Variants in MEGF10 observed in about 807,000 individuals in gnomAD.
The protein encoded by MEGF10 is multiple EGF like domains 10.
MEGF10 carries 86 observed loss-of-function variants against 147.5 expected under a neutral mutation model. The ratio of observed to expected loss-of-function variants is 0.58; its 90% CI spans 0.49 to 0.70. The LOEUF (loss-of-function observed/expected upper bound fraction) is 0.70. Ranked by LOEUF, MEGF10 falls within the 30% of genes least tolerant of loss-of-function variation. MEGF10 has a pLI of 0.00. For missense variants in MEGF10, 1,329 were observed against 1,487.3 expected, an observed-to-expected ratio of 0.89 and a Z score of 1.75; for synonymous variants, 478 against 525.5, an observed-to-expected ratio of 0.91 and a Z score of 1.24.
chr5:127,414,114 A>T (rs1378434814), intron 9 of MEGF10, among the ~76,000 whole-genome samples: 4 of 152,158 alleles, frequency 2.6e-5, no homozygotes, highest in African/African-American at 7.2e-5. Context: ...TAAACTTAAA[A>T]ATTTCCCGTT....
At position 127,348,888 on chromosome 5, in the gene MEGF10, T is replaced by A. The variant is rs116780270; in HGVS notation, c.319+8258T>A. On this transcript the variant is annotated intron_variant, in intron 4 of 24. Transcript: ENST00000503335. ...CATATACTTAAATAATTTTTGTAAA[T>A]CTAATAAGCCCAACTTACAAATAAG... Among the ~76,000 whole-genome samples, 974 of 152,252 alleles carry A rather than the reference T, an allele frequency of 6.4e-3. 12 individuals carry two copies. Among genetic ancestry groups the A allele is most frequent in the African/African-American group, 0.023 (937 of 41,562 alleles).
rs565186999 is a variant in MEGF10 at position 127,346,313 on chromosome 5, T to C, written c.319+5683T>C. Among the ~76,000 whole-genome samples, 73 of 152,310 alleles carry C rather than the reference T, an allele frequency of 4.8e-4. 1 individual carries two copies. The highest frequency in any genetic ancestry group is 1.7e-3 in the African/African-American group (69 of 41,586). On this transcript the variant is annotated intron_variant, in intron 4 of 24. Transcript: ENST00000503335. ...TTTCCATAGTGGTTGTACTAGTTTATGTTCCCACCAACAGTGTAGAAGTGT... is the reference window on the plus strand; with the variant it reads ...TTTCCATAGTGGTTGTACTAGTTTACGTTCCCACCAACAGTGTAGAAGTGT...
the MEGF10 span, among the ~76,000 whole-genome samples, chr5:127,249,975 A>G: frequency 1.3e-5 from 2 of 152,122 alleles, no homozygotes; most frequent in Non-Finnish European, 2.9e-5. Context: ...CTGTGATAAC[A>G]GCGTTGATTC....
At chr5:127,272,467 T>G in the MEGF10 span, among the ~76,000 whole-genome samples, 1 of 152,200 alleles carries the variant, frequency 6.6e-6, no homozygotes, top group African/African-American at 2.4e-5. Flanking sequence ...CTGTGAAGAA[T>G]GTCAATGGTA....
intron 22 of MEGF10, among the ~76,000 whole-genome samples, chr5:127,450,785 G>T (rs1279570915): frequency 6.6e-6 from 1 of 152,044 alleles, no homozygotes. Context: ...TTGAGACAGA[G>T]TCTCGCTCTG....
the MEGF10 span, among the ~76,000 whole-genome samples, chr5:127,275,989 T>C: frequency 1.3e-5 from 2 of 152,182 alleles, no homozygotes; most frequent in African/African-American, 4.8e-5. Flanking sequence ...AACTGATGGG[T>C]CAGCCAGCCC....
chr5:127,426,397 C>T (rs1215101943), intron 13 of MEGF10, among the ~76,000 whole-genome samples: 2 of 152,096 alleles, frequency 1.3e-5, no homozygotes, highest in East Asian at 3.9e-4. Flanking sequence ...AAAAAAGTAC[C>T]ATTTTATTGT....
chr5:127,381,510 T>C (rs1196197581), intron 5 of MEGF10, among the ~76,000 whole-genome samples: 1 of 152,250 alleles, frequency 6.6e-6, no homozygotes, highest in African/African-American at 2.4e-5. Context: ...GATGGTGCTG[T>C]AGACCTGCTT....
chr5:127,349,743 G>A (rs1238279468), intron 4 of MEGF10, among the ~76,000 whole-genome samples: 1 of 151,346 alleles, frequency 6.6e-6, no homozygotes, highest in Non-Finnish European at 1.5e-5. Context: ...AAATATCAGA[G>A]AACATGGTCC....
intron 1 of MEGF10, among the ~76,000 whole-genome samples, chr5:127,294,610 C>G (rs531657350): frequency 1.7e-3 from 255 of 152,018 alleles, no homozygotes; most frequent in African/African-American, 5.9e-3. Flanking sequence ...ACCAGCCTGG[C>G]CAAAATGGCG....
intron 1 of MEGF10, among the ~76,000 whole-genome samples, chr5:127,294,075 C>T (rs1355615007): frequency 6.6e-6 from 1 of 152,190 alleles, no homozygotes; most frequent in Non-Finnish European, 1.5e-5. Flanking sequence ...GACCCTCTTT[C>T]CTGTCTAACC....
the MEGF10 span, among the ~76,000 whole-genome samples, chr5:127,254,218 T>C: frequency 1.3e-5 from 2 of 152,160 alleles, no homozygotes; most frequent in Admixed American, 6.6e-5. Context: ...TTAGTTTTCT[T>C]AACCACTCCT....
At chr5:127,312,746 T>C (rs1302018327) in intron 1 of MEGF10, among the ~76,000 whole-genome samples, 2 of 152,210 alleles carry the variant, frequency 1.3e-5, no homozygotes, top group African/African-American at 4.8e-5. Context: ...GTTTTAGCTT[T>C]TGTGTGCTTT....
At chr5:127,235,051 G>T in the MEGF10 span, among the ~76,000 whole-genome samples, 2 of 152,010 alleles carry the variant, frequency 1.3e-5, no homozygotes, top group Non-Finnish European at 2.9e-5. Context: ...TTACCATGTT[G>T]GCCAGACTGG....
At chr5:127,406,881 CG>C (rs1764350951) in intron 8 of MEGF10, among the ~76,000 whole-genome samples, 1 of 152,094 alleles carries the variant, frequency 6.6e-6, no homozygotes, top group South Asian at 2.1e-4. Context: ...ATAGTGCTGC[CG>C]TAGGATCACT....
intron 1 of MEGF10, among the ~76,000 whole-genome samples, chr5:127,317,864 A>G (rs1760627892): frequency 6.6e-6 from 1 of 152,128 alleles, no homozygotes; most frequent in Non-Finnish European, 1.5e-5. Flanking sequence ...ACAAACTTGC[A>G]TGTTGTGCAC....
upstream of MEGF10, among the ~76,000 whole-genome samples, chr5:127,290,464 C>G (rs1012767280): frequency 6.6e-6 from 1 of 152,156 alleles, no homozygotes; most frequent in African/African-American, 2.4e-5. Flanking sequence ...GGACTTGCAC[C>G]CAACGTGGGT....
At chr5:127,247,470 G>C in the MEGF10 span, among the ~76,000 whole-genome samples, 11 of 146,746 alleles carry the variant, frequency 7.5e-5, no homozygotes, top group African/African-American at 2.0e-4. Flanking sequence ...AGAAGAAGAA[G>C]AAGAAGAAGA....
intron 4 of MEGF10, among the ~76,000 whole-genome samples, chr5:127,353,437 A>T (rs2126824867): frequency 6.6e-6 from 1 of 152,322 alleles, no homozygotes; most frequent in Admixed American, 6.5e-5. Context: ...GCAGCAGAAG[A>T]GCAGAGTGGG....
Sources: allele counts gnomAD v4.1 joint callset (sites outside exome capture counted in the v4.1 genomes callset), GRCh38; gene constraint gnomAD v4.1.1; transcripts MANE v1.5; gene names NCBI Gene and HGNC (gene_info 2026-07-23, HGNC 2026-07-21).